AKTIP: variants seen among roughly 807,000 people sequenced by gnomAD.
AKTIP encodes AKT interacting protein.
AKTIP carries 16 observed loss-of-function variants against 39.1 expected under a neutral mutation model. The observed-to-expected ratio is 0.41, with a 90% confidence interval of 0.28 to 0.62. The LOEUF is 0.62. Among genes scored for constraint, AKTIP ranks in the 20% least tolerant of loss-of-function variants. The pLI is 0.32. For missense variants in AKTIP, 262 were observed against 356.6 expected (o/e 0.73, Z 2.14); for synonymous variants, 93 against 124.3 (o/e 0.75, Z 1.67).
At chr16:53,495,530 T>G (rs1035555788) in intron 3 of AKTIP, among the ~76,000 whole-genome samples, 1 of 152,158 alleles carries the variant, frequency 6.6e-6, no homozygotes, top group African/African-American at 2.4e-5. Context: ...ACTGGCCTCA[T>G]AGCAGCAGCT....
intron 2 of AKTIP, 135 bp from the exon 3 acceptor site, chr16:53,498,731 G>T: frequency 1.1e-6 from 1 of 889,916 alleles, no homozygotes; most frequent in Admixed American, 2.4e-5. Context: ...AAGATGACTA[G>T]AAAGTCCTTT....
rs1427104315 is a variant in AKTIP, at chr16:53,494,142, T to C, written c.706A>G (p.Ile236Val). 3.1e-6 allele frequency: 5 copies of C among 1,611,174 alleles called. No homozygotes were observed. Among genetic ancestry groups the C allele is most frequent in the Admixed American group, 3.3e-5 (2 of 59,990 alleles). ...CTTGGGGGATGCACCACTTACCTAA[T>C]TGCATAGGGGTCTTCTATTTTAGGT... Reference protein sequence around the residue: ...DQPKIEDPYAISFSPWNPSVH... With the variant: ...DQPKIEDPYAVSFSPWNPSVH... Residue 236 changes from isoleucine (I) to valine (V), a missense_variant, in exon 8 of 10, where the codon ATT (isoleucine) becomes GTT (valine). Around this residue, in one of 4 missense-constraint regions of AKTIP, gnomAD observed 145 missense variants for 159.3 expected, o/e 0.91. Coordinates refer to ENST00000394657, the MANE Select transcript of AKTIP (RefSeq NM_022476.4).
chr16:53,496,054 TG>T (rs1961812947), intron 3 of AKTIP, among the ~76,000 whole-genome samples: 1 of 152,226 alleles, frequency 6.6e-6, no homozygotes, highest in African/African-American at 2.4e-5. Flanking sequence ...CTGGTTCTTC[TG>T]GGACCCAGTT....
At chr16:53,494,093 T>C (rs370476837) in intron 8 of AKTIP, 45 bp downstream of exon 8, 46 of 1,408,284 alleles carry the variant, frequency 3.3e-5, no homozygotes, top group East Asian at 2.7e-4. Context: ...AAGCAGTGTA[T>C]TGGAAAGGAC....
intron 4 of AKTIP, 21 bp downstream of exon 4, chr16:53,495,241 A>T (rs368699803): frequency 2.4e-5 from 39 of 1,614,080 alleles, no homozygotes; most frequent in South Asian, 2.4e-4. Flanking sequence ...CCCATAAATT[A>T]AGAGTGAATC....
In AKTIP at chr16:53,492,308, T is replaced by C; in HGVS notation, c.*104A>G. ...CATGGAAAACACTGGCAGTCAGTCA[T>C]TGTTCACACAGTTTTACTCTTCAGG... On this transcript the variant is annotated 3_prime_UTR_variant, in exon 10 of 10. Transcript: ENST00000394657. 1.0e-6 allele frequency: 1 copy of C among 976,844 alleles called. No homozygotes were observed. Among genetic ancestry groups the C allele is most frequent in the East Asian group, 2.4e-5 (1 of 41,582 alleles). The allele number at this position is 976,844 out of a possible 1,614,324, so 60.5% of individuals were successfully genotyped here.
chr16:53,492,762 A>G lies in AKTIP; in HGVS notation c.711-9T>C. On this transcript the variant is annotated splice_polypyrimidine_tract_variant and intron_variant, in intron 8 of 9. Transcript: ENST00000394657. Reference sequence around the variant, plus strand: ...GATTCCATGGAGAAAAGCTTAAGGAAGAGAAAAGTATTTAAAAACTATTTG... The same window carrying G: ...GATTCCATGGAGAAAAGCTTAAGGAGGAGAAAAGTATTTAAAAACTATTTG... The G allele has an allele frequency of 6.2e-7, 1 of 1,611,984 alleles. No homozygotes were observed. Among genetic ancestry groups the G allele is most frequent in the South Asian group, 1.1e-5 (1 of 90,738 alleles).
chr16:53,492,478 G>C lies in AKTIP; in HGVS notation c.813C>G (p.Gly271=), dbSNP rs145502301. ...EQHNKSVHVA[G]LSWVKPGSVQ... ...CTGAGCCAGGCTTTACCCATGACAGGCCAGCAACATGAACACTTTTATTGT... is the reference window on the plus strand; with the variant it reads ...CTGAGCCAGGCTTTACCCATGACAGCCCAGCAACATGAACACTTTTATTGT... The change falls in exon 10 of 10, where the codon GGC becomes GGG. Residue 271 remains glycine (G), a synonymous_variant. Coordinates refer to ENST00000394657, the MANE Select transcript of AKTIP (RefSeq NM_022476.4). 4,146 of 1,613,804 alleles carry C rather than the reference G, an allele frequency of 2.6e-3. 10 individuals carry two copies. The highest frequency in any genetic ancestry group is 3.3e-3 in the Non-Finnish European group (3,854 of 1,180,014).
At chr16:53,492,548 A>T (rs1961552753) in intron 9 of AKTIP, 29 bp from the exon 10 acceptor site, 6 of 1,611,588 alleles carry the variant, frequency 3.7e-6, no homozygotes, top group African/African-American at 1.3e-5. Context: ...ACAGATATTT[A>T]AAAAATTACT....
Position 53,492,734 on chromosome 16 carries a change from A to C in AKTIP, c.730T>G (p.Ser244Ala). 1.2e-6 allele frequency: 2 copies of C among 1,614,070 alleles called. No individual in the cohort carries two copies. The highest frequency in any genetic ancestry group is 1.7e-6 in the Non-Finnish European group (2 of 1,179,954). Reference sequence around the variant, plus strand: ...TTTTCTCTGGCTTCATCATGTACAGAAGGATTCCATGGAGAAAAGCTTAAG... The same window carrying C: ...TTTTCTCTGGCTTCATCATGTACAGCAGGATTCCATGGAGAAAAGCTTAAG... ...YAISFSPWNP[S>A]VHDEAREKML... Residue 244 changes from serine to alanine, a missense_variant, in exon 9 of 10, where the codon TCT becomes GCT. Physicochemically the swap from Ser to Ala is moderately conservative, Grantham distance 99. Transcript: ENST00000394657.
Position 53,492,731 on chromosome 16 carries a change from C to A in AKTIP, c.733G>T (p.Val245Leu). The A allele has an allele frequency of 1.9e-6, 3 of 1,614,024 alleles. No homozygotes were observed. Among genetic ancestry groups the A allele is most frequent in the Non-Finnish European group, 2.5e-6 (3 of 1,179,938 alleles). Reference sequence around the variant, plus strand: ...ATCTTTTCTCTGGCTTCATCATGTACAGAAGGATTCCATGGAGAAAAGCTT... The same window carrying A: ...ATCTTTTCTCTGGCTTCATCATGTAAAGAAGGATTCCATGGAGAAAAGCTT... ...AISFSPWNPS[V>L]HDEAREKMLT... The change falls in exon 9 of 10, where the codon GTA (valine) becomes TTA (leucine). Residue 245 changes from valine to leucine, a missense_variant. By Grantham distance (32) the Val-to-Leu change is conservative. Transcript: ENST00000394657.
intron 8 of AKTIP, chr16:53,493,817 T>C (rs553539367): frequency 9.0e-5 from 27 of 299,412 alleles, no homozygotes; most frequent in Admixed American, 1.8e-4. Flanking sequence ...GTTTGGCAGT[T>C]TAAGAGGGGC....
intron 2 of AKTIP, among the ~76,000 whole-genome samples, chr16:53,499,110 C>T (rs1039444490): frequency 6.6e-6 from 1 of 152,212 alleles, no homozygotes; most frequent in Admixed American, 6.5e-5. Context: ...TTTGTCCCTA[C>T]TGGGTATGTT....
intron 1 of AKTIP, 79 bp from the exon 2 acceptor site, chr16:53,500,408 C>A (rs1032031392): frequency 1.1e-6 from 1 of 875,464 alleles, no homozygotes; most frequent in African/African-American, 1.8e-5. Context: ...GATGGAGTCT[C>A]ACTCTGTTGC....
chr16:53,499,939 T>C (rs541991738), intron 2 of AKTIP, among the ~76,000 whole-genome samples: 2 of 152,328 alleles, frequency 1.3e-5, no homozygotes, highest in African/African-American at 4.8e-5. Flanking sequence ...AGTAGAAAAC[T>C]ACAATGTTAC....
rs576118619 is a variant in AKTIP, at chr16:53,492,875, C to T, written c.711-122G>A. 223 of 784,744 alleles carry T rather than the reference C, an allele frequency of 2.8e-4. 4 individuals are homozygous for T. The highest frequency in any genetic ancestry group is 2.8e-3 in the South Asian group (170 of 60,676). 48.6% of individuals were successfully genotyped at this position (784,744 alleles called of 1,614,324 possible). A position where few individuals can be genotyped will look rare whatever the true frequency, so the allele number is the denominator to read the frequency against. On this transcript the variant is annotated intron_variant, in intron 8 of 9. Coordinates refer to ENST00000394657, the MANE Select transcript of AKTIP (RefSeq NM_022476.4). ...AAAGCACAGTATTTTTTATTGTTGT[C>T]GACATGTATGTTTTAGACATTATCT...
intron 2 of AKTIP, among the ~76,000 whole-genome samples, chr16:53,499,488 C>T (rs1962042329): frequency 1.4e-5 from 2 of 143,966 alleles, no homozygotes; most frequent in Admixed American, 7.0e-5. Context: ...TGGAGTCTTG[C>T]TCTGTTGCCC....
intron 1 of AKTIP, among the ~76,000 whole-genome samples, chr16:53,502,450 G>A (rs74017241): frequency 0.016 from 2,445 of 152,304 alleles, 73 homozygotes; most frequent in African/African-American, 0.056. Context: ...GACAGTGCGT[G>A]GCAGAGCTAA....
chr16:53,492,861 T>C, intron 8 of AKTIP, 108 bp from the exon 9 acceptor site: 1 of 880,900 alleles, frequency 1.1e-6, no homozygotes, highest in Non-Finnish European at 1.8e-6. Context: ...AAGCACAGTA[T>C]TTTTTATTGT....
Sources: allele counts gnomAD v4.1 joint callset (sites outside exome capture counted in the v4.1 genomes callset), GRCh38; gene constraint gnomAD v4.1.1; regional missense constraint gnomAD v4.1.1; transcripts MANE v1.5; gene names NCBI Gene and HGNC (gene_info 2026-07-23, HGNC 2026-07-21).